The following FAM222A variants were observed in gnomAD, a reference collection of about 807,000 sequenced individuals.
FAM222A encodes family with sequence similarity 222 member A.
FAM222A carries 7 observed loss-of-function variants against 25.8 expected under a neutral mutation model. The ratio of observed to expected loss-of-function variants is 0.27; its 90% CI spans 0.15 to 0.51. The LOEUF (loss-of-function observed/expected upper bound fraction) is 0.51. FAM222A is among the 20% of genes least tolerant of loss of function. The pLI, the probability that FAM222A is intolerant of heterozygous loss-of-function variation, is 0.97. For missense variants in FAM222A, 573 were observed against 640.5 expected (o/e 0.89, Z 1.14); for synonymous variants, 294 against 298.8 (o/e 0.98, Z 0.17).
Position 109,714,254 on chromosome 12 carries a change from C to G in FAM222A, c.-690C>G, listed in dbSNP as rs934240496. 3.6e-5 allele frequency: 7 copies of G among 192,508 alleles called. No homozygotes were observed. Among genetic ancestry groups the G allele is most frequent in the Admixed American group, 3.1e-4 (5 of 15,996 alleles). 11.9% of individuals were successfully genotyped at this position (192,508 alleles called of 1,614,324 possible). A position where few individuals can be genotyped will look rare whatever the true frequency, so the allele number is the denominator to read the frequency against. On this transcript the variant is annotated 5_prime_UTR_variant, in exon 1 of 3. Coordinates refer to ENST00000538780, the MANE Select transcript of FAM222A (RefSeq NM_032829.3). This position sits in a 1 kb window ranked among gnomAD's most constrained non-coding sequence, Gnocchi z 4.2. The stretch of plus-strand genomic sequence containing the variant: ...GCTGTTCGCCGGCTTCCCCTCCCCC[C>G]ACACCCGGGGCTCAGAGCAGGAGGA...
intron 2 of FAM222A, among the ~76,000 whole-genome samples, chr12:109,753,562 G>T (rs540519078): frequency 9.4e-4 from 143 of 152,172 alleles, no homozygotes; most frequent in Non-Finnish European, 1.6e-3. Context: ...CCCATCCCGG[G>T]GGGGGGAGCC....
intron 2 of FAM222A, chr12:109,744,466 A>G: frequency 3.0e-6 from 3 of 985,406 alleles, no homozygotes; most frequent in Non-Finnish European, 3.6e-6. Flanking sequence ...CCTTCCCAGC[A>G]GCCTCTTCTG....
chr12:109,730,415 G>T (rs1031493615), intron 1 of FAM222A, among the ~76,000 whole-genome samples: 1 of 149,404 alleles, frequency 6.7e-6, no homozygotes, highest in African/African-American at 2.4e-5. Context: ...GCGGGGGGGG[G>T]GGTTCCTCCA....
intron 2 of FAM222A, among the ~76,000 whole-genome samples, chr12:109,762,695 C>T (rs1888934111): frequency 6.6e-6 from 1 of 152,224 alleles, no homozygotes. Context: ...GTCAGGGCCC[C>T]AAGTAGTCTG....
rs2136375985 is a variant in FAM222A at position 109,759,745 on chromosome 12, A to T, written c.83-8267A>T. 1.3e-5 allele frequency among the ~76,000 whole-genome samples: 2 copies of T among 152,310 alleles called. 1 individual carries two copies. Among genetic ancestry groups the T allele is most frequent in the South Asian group, 4.1e-4 (2 of 4,824 alleles). The stretch of plus-strand genomic sequence containing the variant: ...CCCTGGCTTCTGCACGTTTGAGCCC[A>T]GATGCTGCCTGGCGGCTGCCCCTGC... On this transcript the variant is annotated intron_variant, in intron 2 of 2. Transcript: ENST00000538780.
intron 1 of FAM222A, among the ~76,000 whole-genome samples, chr12:109,730,751 C>A (rs972436356): frequency 1.3e-5 from 2 of 152,190 alleles, no homozygotes; most frequent in Non-Finnish European, 2.9e-5. Context: ...GTTGGAGCAT[C>A]CCCTCTCACT....
At chr12:109,743,750 A>T (rs962736096) in intron 1 of FAM222A, among the ~76,000 whole-genome samples, 2 of 151,880 alleles carry the variant, frequency 1.3e-5, no homozygotes, top group Non-Finnish European at 2.9e-5. Flanking sequence ...CACCGGCCGG[A>T]AGCACAGCCT....
chr12:109,742,781 A>T (rs1461161602), intron 1 of FAM222A, among the ~76,000 whole-genome samples: 1 of 152,104 alleles, frequency 6.6e-6, no homozygotes, highest in South Asian at 2.1e-4. Flanking sequence ...GCCAGGACAG[A>T]CGGGAGGCTG....
intron 1 of FAM222A, among the ~76,000 whole-genome samples, chr12:109,736,884 C>T (rs1359374097): frequency 6.6e-6 from 1 of 152,074 alleles, no homozygotes; most frequent in Non-Finnish European, 1.5e-5. Context: ...AGCTGTGTGT[C>T]CCAGTAGGAC....
chr12:109,755,014 A>G (rs1565844520), intron 2 of FAM222A, among the ~76,000 whole-genome samples: 1 of 152,122 alleles, frequency 6.6e-6, no homozygotes, highest in Non-Finnish European at 1.5e-5. Flanking sequence ...ATTAAGTTGT[A>G]AAACTTCTTC....
chr12:109,747,914 A>G (rs1888447835), intron 2 of FAM222A, among the ~76,000 whole-genome samples: 1 of 152,212 alleles, frequency 6.6e-6, no homozygotes, highest in African/African-American at 2.4e-5. Flanking sequence ...TTTATTTAAT[A>G]GTTGGCTACT....
intron 2 of FAM222A, 196 bp downstream of exon 2, chr12:109,744,424 G>A: frequency 1.0e-6 from 1 of 985,428 alleles, no homozygotes; most frequent in Non-Finnish European, 1.2e-6. Context: ...GCCAGCTCCT[G>A]TGGAGCAAGA....
intron 2 of FAM222A, among the ~76,000 whole-genome samples, chr12:109,760,663 C>G (rs1365581107): frequency 6.6e-6 from 1 of 152,202 alleles, no homozygotes. Context: ...GTTTGTGACC[C>G]CCGCTTGACA....
intron 1 of FAM222A, among the ~76,000 whole-genome samples, chr12:109,733,490 G>A (rs773057681): frequency 2.6e-4 from 39 of 151,490 alleles, no homozygotes; most frequent in Non-Finnish European, 5.2e-4. Flanking sequence ...TGTAAGCTCC[G>A]CCTCCCGGGT....
chr12:109,750,269 A>G (rs1328179762), intron 2 of FAM222A, among the ~76,000 whole-genome samples: 2 of 152,152 alleles, frequency 1.3e-5, no homozygotes, highest in Non-Finnish European at 2.9e-5. Context: ...AAATTGGTAG[A>G]TTTTTTCTCT....
chr12:109,759,485 A>T (rs189274998), intron 2 of FAM222A, among the ~76,000 whole-genome samples: 9 of 152,314 alleles, frequency 5.9e-5, no homozygotes, highest in Non-Finnish European at 1.2e-4. Context: ...TCCCTATAGC[A>T]ACATTAAATC....
At chr12:109,715,158 C>G (rs941590352) in intron 1 of FAM222A, among the ~76,000 whole-genome samples, 2 of 152,194 alleles carry the variant, frequency 1.3e-5, no homozygotes, top group African/African-American at 4.8e-5. Flanking sequence ...ACCCGTAAAG[C>G]TAACAAAGGT....
chr12:109,743,902 G>A, intron 1 of FAM222A, 199 bp from the exon 2 acceptor site: 2 of 985,430 alleles, frequency 2.0e-6, no homozygotes, highest in Non-Finnish European at 1.2e-6. Context: ...CCTGGATTCT[G>A]TCCCTTCCCA....
intron 1 of FAM222A, among the ~76,000 whole-genome samples, chr12:109,732,942 CCATT>C (rs1362625026): frequency 3.3e-5 from 5 of 152,200 alleles, no homozygotes; most frequent in Non-Finnish European, 4.4e-5. Context: ...AGACACTAAA[CCATT>C]CATCAAGATA....
Sources: allele counts gnomAD v4.1 joint callset (sites outside exome capture counted in the v4.1 genomes callset), GRCh38; gene constraint gnomAD v4.1.1; non-coding constraint Gnocchi (gnomAD v3.1); transcripts MANE v1.5; gene names NCBI Gene and HGNC (gene_info 2026-07-23, HGNC 2026-07-21).